The following RPH3AL variants were observed in gnomAD, a reference collection of about 807,000 sequenced individuals.
The protein encoded by RPH3AL is rab effector Noc2.
A neutral mutation model predicts 43.1 loss-of-function variants in RPH3AL; 38 were observed. The observed-to-expected ratio is 0.88, with a 90% CI of 0.68 to 1.15. The LOEUF is 1.15. Ranked by LOEUF, RPH3AL falls within the 50% of genes most tolerant of loss-of-function variation. The pLI is 0.00. For synonymous variants in RPH3AL, 189 were observed against 176.3 expected, an observed-to-expected ratio of 1.07 and a Z score of -0.57; for missense variants, 462 against 423.2, an observed-to-expected ratio of 1.09 and a Z score of -0.81.
chr17:317,062 C>T (rs1390712253), intron 5 of RPH3AL, among the ~76,000 whole-genome samples: 10 of 150,772 alleles, frequency 6.6e-5, no homozygotes. Flanking sequence ...TGCCCCACCT[C>T]CACTGACCTG....
At chr17:313,023 A>G (rs1276779592) in intron 5 of RPH3AL, among the ~76,000 whole-genome samples, 1 of 152,210 alleles carries the variant, frequency 6.6e-6, no homozygotes, top group Non-Finnish European at 1.5e-5. Flanking sequence ...TGGCAAGTCC[A>G]GGAGAACCGG....
chr17:278,460 C>T (rs901851944), intron 6 of RPH3AL, among the ~76,000 whole-genome samples: 4 of 152,162 alleles, frequency 2.6e-5, no homozygotes, highest in Non-Finnish European at 4.4e-5. Flanking sequence ...CTGGTCTCCT[C>T]GCTGTGCCTC....
chr17:272,788 A>ACACC (rs931177597), intron 6 of RPH3AL, among the ~76,000 whole-genome samples: 3 of 150,888 alleles, frequency 2.0e-5, no homozygotes, highest in African/African-American at 7.3e-5. Context: ...ACACACACAC[A>ACACC]CCAAAAAACC....
intron 1 of RPH3AL, among the ~76,000 whole-genome samples, chr17:342,064 T>C (rs190248066): frequency 3.3e-5 from 5 of 152,234 alleles, no homozygotes; most frequent in Admixed American, 3.3e-4. Flanking sequence ...TGAAAAGACA[T>C]TTCCCCAAAG....
At chr17:320,280 C>G (rs1017018722) in intron 4 of RPH3AL, among the ~76,000 whole-genome samples, 4 of 151,404 alleles carry the variant, frequency 2.6e-5, no homozygotes, top group African/African-American at 9.7e-5. Context: ...AGCGAAGGCT[C>G]TCGGAGAACA....
intron 6 of RPH3AL, among the ~76,000 whole-genome samples, chr17:258,156 G>A (rs375602639): frequency 1.3e-5 from 2 of 152,196 alleles, no homozygotes; most frequent in African/African-American, 4.8e-5. Context: ...TCATAGGTAC[G>A]TGGGGTGCTT....
At chr17:302,469 G>A (rs765741671) in intron 5 of RPH3AL, among the ~76,000 whole-genome samples, 2 of 152,242 alleles carry the variant, frequency 1.3e-5, no homozygotes, top group South Asian at 2.1e-4. Context: ...GATTTCAGAC[G>A]TGGGCAGGTG....
chr17:269,732 G>A (rs763730746), intron 6 of RPH3AL, among the ~76,000 whole-genome samples: 6 of 152,234 alleles, frequency 3.9e-5, no homozygotes, highest in Non-Finnish European at 5.9e-5. Context: ...TGCTATGAAC[G>A]ATGGGAGTCC....
At chr17:253,788 GTCCTTTTCCA>G (rs1555543654) in intron 6 of RPH3AL, among the ~76,000 whole-genome samples, 76 of 94,406 alleles carry the variant, frequency 8.1e-4, no homozygotes, top group South Asian at 4.0e-3. Context: ...CACGGCGTCT[GTCCTTTTCCA>G]TCCCTAGGAA....
At chr17:253,833 TG>T (rs2041992788) in intron 6 of RPH3AL, among the ~76,000 whole-genome samples, 1 of 86,922 alleles carries the variant, frequency 1.2e-5, no homozygotes, top group African/African-American at 4.3e-5. Flanking sequence ...GTACTTCCTA[TG>T]AGGGGAGCCG....
At chr17:247,341 T>C in intron 6 of RPH3AL, 56 bp from the exon 7 acceptor site, 2 of 1,481,510 alleles carry the variant, frequency 1.3e-6, no homozygotes, top group Non-Finnish European at 1.8e-6. Context: ...CCTCCCCTCC[T>C]GCTCCTTGCC....
chr17:252,344 T>A (rs149420869), intron 6 of RPH3AL, among the ~76,000 whole-genome samples: 1 of 152,064 alleles, frequency 6.6e-6, no homozygotes, highest in Non-Finnish European at 1.5e-5. Context: ...AAAAGTAAAA[T>A]GAAACTAGGC....
At chr17:338,167 A>G (rs4985614) in intron 1 of RPH3AL, among the ~76,000 whole-genome samples, 69,051 of 152,102 alleles carry the variant, frequency 0.45, 16,451 homozygotes, top group African/African-American at 0.53. Context: ...AGGTGGTGAC[A>G]GCAGGGAAAC....
intron 7 of RPH3AL, among the ~76,000 whole-genome samples, chr17:242,867 CCCTTCCTCTATTGACTA>C (rs1555537699): frequency 2.4e-4 from 13 of 55,318 alleles, no homozygotes; most frequent in Non-Finnish European, 4.4e-4. Flanking sequence ...CTATTGATTA[CCCTTCCTCTATTGACTA>C]CCTTCCTCTA....
chr17:293,635 G>A (rs955856044), intron 5 of RPH3AL, among the ~76,000 whole-genome samples: 3 of 152,324 alleles, frequency 2.0e-5, no homozygotes, highest in Admixed American at 6.5e-5. Context: ...GCTGAGGGCC[G>A]TGCAGCACCG....
At chr17:351,744 CTG>C (rs1392641977) in intron 1 of RPH3AL, among the ~76,000 whole-genome samples, 1 of 152,174 alleles carries the variant, frequency 6.6e-6, no homozygotes, top group Non-Finnish European at 1.5e-5. Context: ...TCAAAGGAAA[CTG>C]TATATCTCCA....
chr17:243,410 C>A (rs1364555847), intron 7 of RPH3AL, among the ~76,000 whole-genome samples: 1 of 139,236 alleles, frequency 7.2e-6, no homozygotes, highest in Non-Finnish European at 1.5e-5. Flanking sequence ...TGACTACCTT[C>A]CTCTATTGAT....
rs1597858718 is a variant in RPH3AL at position 212,584 on chromosome 17, C to T, written c.*1268G>A. 2.0e-5 allele frequency: 3 copies of T among 152,118 alleles called. No homozygotes were observed. Among genetic ancestry groups the T allele is most frequent in the East Asian group, 3.9e-4 (2 of 5,160 alleles). 9.4% of individuals were successfully genotyped at this position (152,118 alleles called of 1,614,324 possible). ...CTTTACTGTTTGCCAGCAGCAAGGA[C>T]AAAAAGTGAATGGTGGGGGCCCAGG... On this transcript the variant is annotated 3_prime_UTR_variant, in exon 10 of 10. Coordinates refer to ENST00000331302, the MANE Select transcript of RPH3AL (RefSeq NM_006987.4).
In RPH3AL at chr17:322,357, G is replaced by A. The variant is rs1180993495; in HGVS notation, c.78-942C>T. ...TTCCGTGCCTGTGACATTGCTGTGT[G>A]CAGAGATGAACGAGACGGGAAAAGC... On this transcript the variant is annotated intron_variant, in intron 3 of 9. Coordinates refer to ENST00000331302, the MANE Select transcript of RPH3AL (RefSeq NM_006987.4). This position sits in a 1 kb window ranked among gnomAD's most constrained non-coding sequence, Gnocchi z 4.0. 6.6e-6 allele frequency: 1 copy of A among 152,258 alleles called. No individual in the cohort carries two copies. The highest frequency in any genetic ancestry group is 2.4e-5 in the African/African-American group (1 of 41,450). The allele number at this position is 152,258 out of a possible 1,614,324, so 9.4% of individuals were successfully genotyped here.
Sources: allele counts gnomAD v4.1 joint callset (sites outside exome capture counted in the v4.1 genomes callset), GRCh38; gene constraint gnomAD v4.1.1; non-coding constraint Gnocchi (gnomAD v3.1); transcripts MANE v1.5; gene names NCBI Gene and HGNC (gene_info 2026-07-23, HGNC 2026-07-21).